Variants in WDR62 observed in about 807,000 individuals in gnomAD.
WDR62 encodes the protein WD repeat domain 62.
Under a neutral mutation model 160.6 loss-of-function variants are expected in WDR62, and 112 were observed. The ratio of observed to expected loss-of-function variants is 0.70; its 90% CI spans 0.60 to 0.82. The LOEUF is 0.82. WDR62 is among the 40% of genes least tolerant of loss of function. The pLI is 0.00. For synonymous variants in WDR62, 792 were observed against 815.1 expected (o/e 0.97, Z 0.48); for missense variants, 1,819 against 1,983.8 (o/e 0.92, Z 1.58).
chr19:36,086,620 T>A, intron 12 of WDR62, 67 bp from the exon 13 acceptor site: 10 of 1,548,846 alleles, frequency 6.5e-6, no homozygotes, highest in Non-Finnish European at 8.7e-6. Flanking sequence ...TTGGTCACAC[T>A]GCCCTTCTGG....
rs781617359 is a variant in WDR62 at position 36,071,757 on chromosome 19, A to C, written c.1043+41A>C. On this transcript the variant is annotated intron_variant, in intron 8 of 31. Coordinates refer to ENST00000401500, the MANE Select transcript of WDR62 (RefSeq NM_001083961.2). ...GAGAGGGAATGGGAGGGGCCCACCC[A>C]GAGTCTGTCCACTGGCATTCATCCA... The C allele has an allele frequency of 7.5e-6, 12 of 1,595,274 alleles. No individual in the cohort carries two copies. The South Asian group carries it at 7.8e-5, about 10-fold the overall frequency.
chr19:36,083,458 T>TGG (rs1470812187), intron 11 of WDR62, among the ~76,000 whole-genome samples: 1 of 152,188 alleles, frequency 6.6e-6, no homozygotes, highest in African/African-American at 2.4e-5. Flanking sequence ...CCTCAGCAGC[T>TGG]AGGGTGTGCA....
rs776125890 is a variant in WDR62 at position 36,073,348 on chromosome 19, C to T, written c.1050C>T (p.Leu350=). The T allele has an allele frequency of 5.6e-6, 9 of 1,614,164 alleles. No individual in the cohort carries two copies. The South Asian group carries it at 7.7e-5, about 14-fold the overall frequency. ...ACCCATGTGGCCTTGTTAGCTTCCT[C>T]TTCCACAGGAAGGCGGAAGCAGTCT... ...DVAQGLEPSF[L]FHRKAEAVYP... is the part of the protein sequence containing the mutation. Residue 350 remains leucine, a synonymous_variant, in exon 9 of 32, where the codon CTC becomes CTT. Transcript: ENST00000401500.
intron 12 of WDR62, among the ~76,000 whole-genome samples, chr19:36,085,735 T>C (rs1972186758): frequency 6.6e-6 from 1 of 152,110 alleles, no homozygotes; most frequent in Admixed American, 6.5e-5. Context: ...TTCTGGGCCA[T>C]CAGATGAGAT....
chr19:36,098,241 G>A (rs1203182973), intron 21 of WDR62, among the ~76,000 whole-genome samples: 1 of 151,438 alleles, frequency 6.6e-6, no homozygotes. Flanking sequence ...CAGCTTGGAT[G>A]GCAGAACGAG....
chr19:36,069,902 GC>G lies in WDR62; in HGVS notation c.883-1653del, dbSNP rs1180648150. 2.6e-5 allele frequency among the ~76,000 whole-genome samples: 4 copies of G among 152,154 alleles called. No individual in the cohort carries two copies. In the East Asian group the frequency reaches 5.8e-4, roughly 22 times the overall value. On this transcript the variant is annotated intron_variant, in intron 7 of 31. Coordinates refer to ENST00000401500, the MANE Select transcript of WDR62 (RefSeq NM_001083961.2). Reference sequence around the variant, plus strand: ...AATCGCAGGCACTCGGCAGGCTGAGGCAGGAGAATCAGGCAGGGAGGTTGCA... The same window carrying G: ...AATCGCAGGCACTCGGCAGGCTGAGGAGGAGAATCAGGCAGGGAGGTTGCA...
downstream of WDR62, among the ~76,000 whole-genome samples, chr19:36,109,139 C>G (rs1320342778): frequency 6.6e-6 from 1 of 152,140 alleles, no homozygotes; most frequent in Non-Finnish European, 1.5e-5. Context: ...GACTCTCGGG[C>G]AATGTAAAGA....
At position 36,101,618 on chromosome 19, in the gene WDR62, C is replaced by T. The variant is rs1262096120; in HGVS notation, c.2972-46C>T. The stretch of plus-strand genomic sequence containing the variant: ...AAGGGTAGCCCTGGCCCTGGCTCAC[C>T]AGAATGGTCAGGCTGTGGGCTCCTG... On this transcript the variant is annotated intron_variant, in intron 24 of 31. Coordinates refer to ENST00000401500, the MANE Select transcript of WDR62 (RefSeq NM_001083961.2). 2.7e-6 allele frequency: 4 copies of T among 1,463,656 alleles called. No individual in the cohort carries two copies. In the African/African-American group the frequency reaches 4.2e-5, roughly 15 times the overall value. 90.7% of individuals were successfully genotyped at this position (1,463,656 alleles called of 1,614,324 possible).
Position 36,088,950 on chromosome 19 carries a change from T to C in WDR62, c.1769-88T>C, listed in dbSNP as rs569778005. ...AAGCCTTGATCCCAGCACAGTTGAT[T>C]GATGGCTCTTGCAGTGGAGTTCCCC... On this transcript the variant is annotated intron_variant, in intron 13 of 31. Transcript: ENST00000401500. The C allele has an allele frequency of 9.1e-5, 132 of 1,451,668 alleles. No homozygotes were observed. The African/African-American group carries it at 1.6e-3, about 18-fold the overall frequency. The allele number at this position is 1,451,668 out of a possible 1,614,324, so 89.9% of individuals were successfully genotyped here.
chr19:36,079,876 G>A (rs1971788870), intron 9 of WDR62, among the ~76,000 whole-genome samples: 1 of 152,000 alleles, frequency 6.6e-6, no homozygotes, highest in Non-Finnish European at 1.5e-5. Context: ...CTGTAGGTTT[G>A]GGTTTTGCTA....
At chr19:36,097,443 T>A (rs2145832084) in intron 21 of WDR62, among the ~76,000 whole-genome samples, 1 of 152,286 alleles carries the variant, frequency 6.6e-6, no homozygotes, top group Middle Eastern at 3.4e-3. Context: ...CCAGGTGCAG[T>A]GATACGTGTC....
At chr19:36,078,791 G>A (rs1359738834) in intron 9 of WDR62, among the ~76,000 whole-genome samples, 1 of 148,428 alleles carries the variant, frequency 6.7e-6, no homozygotes, top group African/African-American at 2.5e-5. Flanking sequence ...AGCCAAGATC[G>A]TGCCATTGCA....
chr19:36,059,928 A>G (rs1970560339), intron 2 of WDR62, 40 bp from the exon 3 acceptor site: 1 of 1,609,322 alleles, frequency 6.2e-7, no homozygotes, highest in Non-Finnish European at 8.5e-7. Context: ...GGACCCCAAC[A>G]CTCCCCACAG....
chr19:36,103,617 G>A lies in WDR62; in HGVS notation c.3789G>A (p.Gln1263=), dbSNP rs1439279775. Residue 1263 remains glutamine (Q), a synonymous_variant, in exon 30 of 32, where the codon CAG becomes CAA. Transcript: ENST00000401500. ...SSVGELASLG[Q]ELQAITTATT... is the part of the protein sequence containing the mutation. ...TTGGGGAGCTGGCCTCCTTGGGCCAGGAGCTTCAGGCCATCACCACCGCGA... is the reference window on the plus strand; with the variant it reads ...TTGGGGAGCTGGCCTCCTTGGGCCAAGAGCTTCAGGCCATCACCACCGCGA... 4 of 1,610,886 alleles carry A rather than the reference G, an allele frequency of 2.5e-6. No individual in the cohort carries two copies. Among genetic ancestry groups the A allele is most frequent in the Non-Finnish European group, 2.5e-6 (3 of 1,179,632 alleles).
At chr19:36,057,948 C>T (rs1031109856) in intron 1 of WDR62, among the ~76,000 whole-genome samples, 5 of 152,172 alleles carry the variant, frequency 3.3e-5, no homozygotes, top group African/African-American at 9.7e-5. Context: ...TCAACATTGC[C>T]ACTTGCAGAT....
intron 13 of WDR62, among the ~76,000 whole-genome samples, chr19:36,088,755 A>G (rs975072012): frequency 5.9e-5 from 9 of 152,054 alleles, no homozygotes; most frequent in African/African-American, 2.2e-4. Context: ...ACCTATCTCA[A>G]TCCCAGACTG....
At position 36,084,568 on chromosome 19, in the gene WDR62, G is replaced by T. The variant is rs1972090673; in HGVS notation, c.1551-85G>T. The T allele has an allele frequency of 2.3e-6, 3 of 1,281,964 alleles. No homozygotes were observed. In the Admixed American group the frequency reaches 5.2e-5, roughly 22 times the overall value. The allele number at this position is 1,281,964 out of a possible 1,614,324, so 79.4% of individuals were successfully genotyped here. On this transcript the variant is annotated intron_variant, in intron 11 of 31. Transcript: ENST00000401500. ...TGATAAGGGGTTCTCATTGTTGGTG[G>T]CCTGGCCATTCTGACCTATTCTAGA...
intron 9 of WDR62, among the ~76,000 whole-genome samples, chr19:36,078,678 T>A (rs1265850924): frequency 1.3e-5 from 2 of 151,526 alleles, no homozygotes; most frequent in African/African-American, 4.8e-5. Context: ...CTGCTAAAAA[T>A]ACAAAAAATT....
chr19:36,085,161 G>C (rs1972137587), intron 12 of WDR62, among the ~76,000 whole-genome samples: 1 of 152,018 alleles, frequency 6.6e-6, no homozygotes, highest in African/African-American at 2.4e-5. Flanking sequence ...TGTCACCCAG[G>C]CTAGAGGGGA....
Sources: allele counts gnomAD v4.1 joint callset (sites outside exome capture counted in the v4.1 genomes callset), GRCh38; gene constraint gnomAD v4.1.1; transcripts MANE v1.5; gene names NCBI Gene and HGNC (gene_info 2026-07-23, HGNC 2026-07-21).